Variants in PARD3 observed in about 807,000 individuals in gnomAD.
The protein encoded by PARD3 is partitioning defective 3 homolog.
PARD3 carries 75 observed loss-of-function variants against 155.4 expected under a neutral mutation model. That is an observed-to-expected ratio of 0.48 (90% CI 0.40 to 0.58). The LOEUF (loss-of-function observed/expected upper bound fraction) is 0.58, where lower values mean the gene tolerates loss of function less well. Among genes scored for constraint, PARD3 ranks in the 20% least tolerant of loss-of-function variants. The pLI is 0.00. For synonymous variants in PARD3, 576 were observed against 610.5 expected, an observed-to-expected ratio of 0.94 and a Z score of 0.83; for missense variants, 1,642 against 1,721.7, an observed-to-expected ratio of 0.95 and a Z score of 0.82.
intron 2 of PARD3, among the ~76,000 whole-genome samples, chr10:34,609,655 G>A (rs967741565): frequency 1.1e-4 from 17 of 152,062 alleles, no homozygotes; most frequent in Admixed American, 5.9e-4. Flanking sequence ...TGATCCTCCC[G>A]TCTCAGCCTC....
At position 34,473,277 on chromosome 10, in the gene PARD3, CT is replaced by C. The variant is rs554393052; in HGVS notation, c.404-3015del. On this transcript the variant is annotated intron_variant, in intron 3 of 24. Transcript: ENST00000374788. ...ATCTTCTATTTGCACTACCTCGTCACTGAGTACTCCCACGCAATTTCAGGTG... is the reference window on the plus strand; with the variant it reads ...ATCTTCTATTTGCACTACCTCGTCACGAGTACTCCCACGCAATTTCAGGTG... Among the ~76,000 whole-genome samples the C allele has an allele frequency of 3.3e-3, 503 of 152,302 alleles. 3 individuals are homozygous for C. Among genetic ancestry groups the C allele is most frequent in the African/African-American group, 0.011 (475 of 41,572 alleles).
At chr10:34,411,131 C>T (rs1490199908) in intron 5 of PARD3, among the ~76,000 whole-genome samples, 1 of 152,124 alleles carries the variant, frequency 6.6e-6, no homozygotes, top group African/African-American at 2.4e-5. Context: ...AGTTCTTAGA[C>T]AGCTGCTCTA....
rs1484121662 is a variant in PARD3, at chr10:34,110,031, A to G, written c.*1138T>C. On this transcript the variant is annotated 3_prime_UTR_variant, in exon 25 of 25. Coordinates refer to ENST00000374788, the MANE Select transcript of PARD3 (RefSeq NM_001184785.2). ...ACACACACACTCTAATACTGACGCG[A>G]GAGTGAGCTTCCTGCCACCACCGCT... is the stretch of plus-strand genomic sequence containing the variant. 6.6e-6 allele frequency: 1 copy of G among 151,564 alleles called. No individual in the cohort carries two copies. The highest frequency in any genetic ancestry group is 1.9e-4 in the East Asian group (1 of 5,144). 9.4% of individuals were successfully genotyped at this position (151,564 alleles called of 1,614,324 possible).
intron 3 of PARD3, among the ~76,000 whole-genome samples, chr10:34,487,382 T>C (rs1416346963): frequency 6.6e-6 from 1 of 151,956 alleles, no homozygotes; most frequent in East Asian, 1.9e-4. Flanking sequence ...AAAATGTTTG[T>C]TAAAGTGTTA....
At chr10:34,716,585 CTTT>C (rs34751073) in intron 1 of PARD3, among the ~76,000 whole-genome samples, 957 of 73,288 alleles carry the variant, frequency 0.013, 10 homozygotes, top group African/African-American at 0.042. Context: ...GATGGCTTTT[CTTT>C]TTTTTTTTTT....
chr10:34,593,293 A>C (rs1195299268), intron 2 of PARD3, among the ~76,000 whole-genome samples: 5 of 152,248 alleles, frequency 3.3e-5, no homozygotes, highest in African/African-American at 9.6e-5. Context: ...CTGTGATTCC[A>C]TGTCTACATA....
rs1037680067 is a variant in PARD3 at position 34,569,212 on chromosome 10, T to C, written c.223-52053A>G. Among the ~76,000 whole-genome samples, 3 of 151,996 alleles carry C rather than the reference T, an allele frequency of 2.0e-5. No individual in the cohort carries two copies. The East Asian group carries it at 5.8e-4, about 29-fold the overall frequency. ...AGGTTCAAACATCAACATGTGGAAA[T>C]TGTAGAGAAACGCAAAATCATTCAA... is the stretch of plus-strand genomic sequence containing the variant. On this transcript the variant is annotated intron_variant, in intron 2 of 24. Coordinates refer to ENST00000374788, the MANE Select transcript of PARD3 (RefSeq NM_001184785.2).
intron 2 of PARD3, among the ~76,000 whole-genome samples, chr10:34,548,865 C>G (rs1177875354): frequency 6.6e-6 from 1 of 152,102 alleles, no homozygotes; most frequent in Non-Finnish European, 1.5e-5. Flanking sequence ...AATTCCTGTT[C>G]AGCACTCTAA....
Position 34,269,867 on chromosome 10 carries a change from C to G in PARD3, c.3209G>C (p.Arg1070Pro), listed in dbSNP as rs201360013. ...AGCATAGTCACGCTCTCGAGCTTGTCGTTCCCTAAATTCTCGAGTTTTGGC... is the reference window on the plus strand; with the variant it reads ...AGCATAGTCACGCTCTCGAGCTTGTGGTTCCCTAAATTCTCGAGTTTTGGC... ...IQAKTREFRE[R>P]QARERDYAEI... The change falls in exon 22 of 25, where the codon CGA (arginine) becomes CCA (proline). Residue 1070 changes from arginine (R) to proline (P), a missense_variant. By Grantham distance (103) the Arg-to-Pro change is moderately radical. Around this residue, in one of 3 missense-constraint regions of PARD3, gnomAD observed 1,529 missense variants for 1,587.3 expected, o/e 0.96. Transcript: ENST00000374788. 10 of 1,613,602 alleles carry G rather than the reference C, an allele frequency of 6.2e-6. No homozygotes were observed. The highest frequency in any genetic ancestry group is 8.5e-6 in the Non-Finnish European group (10 of 1,179,836).
chr10:34,389,185 A>G (rs1333509584), intron 7 of PARD3, among the ~76,000 whole-genome samples: 1 of 139,766 alleles, frequency 7.2e-6, no homozygotes, highest in Non-Finnish European at 1.5e-5. Flanking sequence ...TCCTAATACA[A>G]AAGTATGTTA....
intron 22 of PARD3, among the ~76,000 whole-genome samples, chr10:34,146,631 C>T (rs1283370709): frequency 6.6e-6 from 1 of 152,198 alleles, no homozygotes; most frequent in Non-Finnish European, 1.5e-5. Context: ...ACATTTACTT[C>T]TGCTGGTCAA....
intron 5 of PARD3, among the ~76,000 whole-genome samples, chr10:34,445,519 T>G (rs1252877646): frequency 6.6e-6 from 1 of 152,150 alleles, no homozygotes; most frequent in African/African-American, 2.4e-5. Context: ...TTAGGTACCT[T>G]CTCAGTCCAC....
At chr10:34,726,741 C>A (rs957489419) in intron 1 of PARD3, among the ~76,000 whole-genome samples, 1 of 148,586 alleles carries the variant, frequency 6.7e-6, no homozygotes, top group Non-Finnish European at 1.5e-5. Flanking sequence ...CCAGTCTGGG[C>A]GGCAAGAGTG....
chr10:34,805,542 C>CATAT (rs58820083), intron 1 of PARD3, among the ~76,000 whole-genome samples: 9,383 of 140,588 alleles, frequency 0.067, 365 homozygotes, highest in Non-Finnish European at 0.078. Context: ...CACGTATGTG[C>CATAT]ATATATATAT....
rs1394672725 is a variant in PARD3 at position 34,687,942 on chromosome 10, C to A, written c.222+8376G>T. On this transcript the variant is annotated intron_variant, in intron 2 of 24. Coordinates refer to ENST00000374788, the MANE Select transcript of PARD3 (RefSeq NM_001184785.2). ...TGATCATGGCTCACTGCAGCCTCAA[C>A]CTCACAGGCTCAATGCGATCCTCCC... 2.9e-4 allele frequency among the ~76,000 whole-genome samples: 42 copies of A among 143,512 alleles called. No individual in the cohort carries two copies. The Admixed American group carries it at 3.0e-3, about 10-fold the overall frequency. The allele number at this position is 143,512 out of a possible 152,430, so 94.1% of individuals were successfully genotyped here.
In PARD3 at chr10:34,110,426, T is replaced by A. The variant is rs960688308; in HGVS notation, c.*743A>T. ...TCCCCCGGCAGGAGCCACTCCTGTC[T>A]CCCACGTTCCCCACACAGAGCTGTG... On this transcript the variant is annotated 3_prime_UTR_variant, in exon 25 of 25. Transcript: ENST00000374788. 6.6e-6 allele frequency: 1 copy of A among 152,196 alleles called. No individual in the cohort carries two copies. The highest frequency in any genetic ancestry group is 2.4e-5 in the African/African-American group (1 of 41,436). The allele number at this position is 152,196 out of a possible 1,614,324, so 9.4% of individuals were successfully genotyped here.
chr10:34,376,494 C>T (rs928581056), intron 10 of PARD3, among the ~76,000 whole-genome samples: 15 of 152,134 alleles, frequency 9.9e-5, no homozygotes, highest in Admixed American at 2.0e-4. Context: ...AAACAAGCTA[C>T]GACTGCAGAC....
intron 20 of PARD3, among the ~76,000 whole-genome samples, chr10:34,308,320 G>A (rs1456565196): frequency 6.6e-6 from 1 of 152,180 alleles, no homozygotes; most frequent in African/African-American, 2.4e-5. Flanking sequence ...GAGGCAGGGA[G>A]CACAGTGAGA....
In PARD3 at chr10:34,768,707, G is replaced by C. The variant is rs564932821; in HGVS notation, c.120+46169C>G. The stretch of plus-strand genomic sequence containing the variant: ...GGGTGTCACAGCAGAGTGAAAAAGA[G>C]AAGGGAAAACTTACTTGGCTCTGGC... On this transcript the variant is annotated intron_variant, in intron 1 of 24. Transcript: ENST00000374788. 1.2e-4 allele frequency among the ~76,000 whole-genome samples: 18 copies of C among 152,330 alleles called. No homozygotes were observed. In the East Asian group the frequency reaches 3.3e-3, roughly 28 times the overall value.
Sources: allele counts gnomAD v4.1 joint callset (sites outside exome capture counted in the v4.1 genomes callset), GRCh38; gene constraint gnomAD v4.1.1; regional missense constraint gnomAD v4.1.1; transcripts MANE v1.5; gene names NCBI Gene and HGNC (gene_info 2026-07-23, HGNC 2026-07-21).